ST18: variants seen among roughly 807,000 people sequenced by gnomAD.
ST18 encodes the protein ST18 C2H2C-type zinc finger transcription factor, also known as suppression of tumorigenicity 18 protein.
In ST18, 50 loss-of-function variants were observed where a neutral mutation model predicts 110.0. That is an observed-to-expected ratio of 0.45 (90% CI 0.36 to 0.58). ST18 has a LOEUF of 0.58. Among genes scored for constraint, ST18 ranks in the 20% least tolerant of loss-of-function variants. The pLI, the probability that ST18 is intolerant of heterozygous loss-of-function variation, is 0.00. For missense variants in ST18, 1,306 were observed against 1,280.1 expected, an observed-to-expected ratio of 1.02 and a Z score of -0.31; for synonymous variants, 461 against 452.4, an observed-to-expected ratio of 1.02 and a Z score of -0.24.
intron 2 of ST18, among the ~76,000 whole-genome samples, chr8:52,326,071 G>A (rs1448824418): frequency 1.3e-5 from 2 of 152,212 alleles, no homozygotes; most frequent in Non-Finnish European, 2.9e-5. Flanking sequence ...CAAGTTATAG[G>A]TAGAAAAATA....
At chr8:52,196,854 G>A (rs1309776064) in intron 8 of ST18, among the ~76,000 whole-genome samples, 3 of 152,110 alleles carry the variant, frequency 2.0e-5, no homozygotes, top group African/African-American at 7.2e-5. Context: ...AGGGCCTCCT[G>A]GAGGTAAGGG....
At chr8:52,292,386 T>C (rs62499816) in intron 2 of ST18, among the ~76,000 whole-genome samples, 25,676 of 152,066 alleles carry the variant, frequency 0.17, 2,300 homozygotes, top group Middle Eastern at 0.29. Flanking sequence ...CATGTATGTG[T>C]GTGTGTGTGT....
chr8:52,233,682 T>C (rs572431508), intron 2 of ST18, among the ~76,000 whole-genome samples: 28 of 152,308 alleles, frequency 1.8e-4, no homozygotes, highest in African/African-American at 6.7e-4. Flanking sequence ...TTTCGTCCAA[T>C]GCTTATCCAA....
chr8:52,330,774 G>A (rs1185645750), intron 2 of ST18, among the ~76,000 whole-genome samples: 1 of 152,222 alleles, frequency 6.6e-6, no homozygotes, highest in Non-Finnish European at 1.5e-5. Context: ...TCTGGGCAAT[G>A]GGCTAAGAAC....
chr8:52,113,177 T>A lies in ST18; in HGVS notation c.*21A>T. On this transcript the variant is annotated 3_prime_UTR_variant, in exon 26 of 26. Coordinates refer to ENST00000689386, the MANE Select transcript of ST18 (RefSeq NM_001352837.2). ...AGTTTACTGCTGTTGGTAACTTCTGTTGCCCGGCAGCGCTGTGATCCTACA... is the reference window on the plus strand; with the variant it reads ...AGTTTACTGCTGTTGGTAACTTCTGATGCCCGGCAGCGCTGTGATCCTACA... The A allele has an allele frequency of 1.2e-6, 2 of 1,612,882 alleles. No individual in the cohort carries two copies. The highest frequency in any genetic ancestry group is 1.7e-6 in the Non-Finnish European group (2 of 1,179,512).
chr8:52,170,188 A>C (rs1306705477), intron 10 of ST18, among the ~76,000 whole-genome samples: 2 of 152,192 alleles, frequency 1.3e-5, no homozygotes, highest in African/African-American at 4.8e-5. Flanking sequence ...AGAGATGATA[A>C]AATGGAAAAA....
chr8:52,115,762 T>C (rs1337230382), intron 25 of ST18, among the ~76,000 whole-genome samples: 2 of 152,228 alleles, frequency 1.3e-5, no homozygotes, highest in Non-Finnish European at 2.9e-5. Flanking sequence ...CATGCTTAGA[T>C]TTTGAAAATG....
chr8:52,125,380 C>T (rs1361696739), intron 23 of ST18, among the ~76,000 whole-genome samples: 4 of 140,584 alleles, frequency 2.8e-5, no homozygotes, highest in African/African-American at 9.4e-5. Flanking sequence ...ACCAGAAAAA[C>T]GCGCACGTAC....
At chr8:52,235,847 T>G (rs2092571979) in intron 2 of ST18, among the ~76,000 whole-genome samples, 1 of 152,160 alleles carries the variant, frequency 6.6e-6, no homozygotes, top group South Asian at 2.1e-4. Flanking sequence ...GAGGGGATAT[T>G]AACATTGAAG....
chr8:52,159,841 G>T (rs1433992217), intron 14 of ST18, among the ~76,000 whole-genome samples: 3 of 152,130 alleles, frequency 2.0e-5, no homozygotes, highest in East Asian at 1.9e-4. Context: ...ATTACTGAGA[G>T]ATAGAATTAA....
chr8:52,132,044 T>A lies in ST18; in HGVS notation c.2580A>T (p.Lys860Asn). 3.7e-6 allele frequency: 6 copies of A among 1,614,228 alleles called. No homozygotes were observed. Among genetic ancestry groups the A allele is most frequent in the Non-Finnish European group, 5.1e-6 (6 of 1,180,034 alleles). The change falls in exon 22 of 26, where the codon AAA (lysine) becomes AAT (asparagine). Residue 860 changes from lysine to asparagine, a missense_variant. Transcript: ENST00000689386. The part of the protein sequence containing the change: ...NPLNGASLSW[K>N]LNKQELPHCP... Reference sequence around the variant, plus strand: ...AATGTGGTAGCTCTTGTTTGTTCAGTTTCCAGGAGAGGGAGGCTCCATTGA... The same window carrying A: ...AATGTGGTAGCTCTTGTTTGTTCAGATTCCAGGAGAGGGAGGCTCCATTGA...
At chr8:52,281,740 G>A (rs576462724) in intron 2 of ST18, among the ~76,000 whole-genome samples, 15 of 152,282 alleles carry the variant, frequency 9.9e-5, no homozygotes, top group Admixed American at 5.9e-4. Context: ...AATGGCATTC[G>A]CAGGAATCTG....
At chr8:52,401,261 G>A (rs913425043) in intron 2 of ST18, among the ~76,000 whole-genome samples, 3 of 151,974 alleles carry the variant, frequency 2.0e-5, no homozygotes, top group Admixed American at 6.5e-5. Context: ...TTCTCTCTGT[G>A]TCTTTGATTT....
At chr8:52,317,482 T>C (rs2096052874) in intron 2 of ST18, among the ~76,000 whole-genome samples, 1 of 152,226 alleles carries the variant, frequency 6.6e-6, no homozygotes. Flanking sequence ...ATTTCTAGTC[T>C]CCAGAACTGT....
rs938521792 is a variant in ST18 at position 52,165,339 on chromosome 8, T to C, written c.1205-114A>G. The C allele has an allele frequency of 1.2e-5, 12 of 960,778 alleles. No homozygotes were observed. The African/African-American group carries it at 1.6e-4, about 13-fold the overall frequency. 59.5% of individuals were successfully genotyped at this position (960,778 alleles called of 1,614,324 possible). On this transcript the variant is annotated intron_variant, in intron 11 of 25. Coordinates refer to ENST00000689386, the MANE Select transcript of ST18 (RefSeq NM_001352837.2). ...ATGACTTCAGTTCCATCATCCACCA[T>C]GCTCTCTCTCTCTATTCAGACACAA... is the stretch of plus-strand genomic sequence containing the variant.
chr8:52,393,221 C>T (rs559542604), intron 2 of ST18, among the ~76,000 whole-genome samples: 1 of 152,278 alleles, frequency 6.6e-6, no homozygotes, highest in Admixed American at 6.5e-5. Context: ...TTAATTTAAT[C>T]AACTCAAAAT....
At chr8:52,135,852 G>A (rs566467682) in intron 19 of ST18, among the ~76,000 whole-genome samples, 22 of 152,056 alleles carry the variant, frequency 1.4e-4, no homozygotes, top group African/African-American at 4.3e-4. Flanking sequence ...TGCTGTCTAC[G>A]CATATTGTTT....
intron 2 of ST18, among the ~76,000 whole-genome samples, chr8:52,361,737 A>G (rs1406606378): frequency 6.6e-6 from 1 of 152,226 alleles, no homozygotes; most frequent in Admixed American, 6.5e-5. Flanking sequence ...AAGAGTTAAC[A>G]TCTCTAAGAA....
intron 2 of ST18, among the ~76,000 whole-genome samples, chr8:52,235,557 T>C (rs1274162753): frequency 6.6e-6 from 1 of 152,186 alleles, no homozygotes; most frequent in Non-Finnish European, 1.5e-5. Context: ...AGGAGAACAA[T>C]GGACCAAATA....
Sources: gnomAD v4.1 joint callset for allele counts (sites outside exome capture counted in the v4.1 genomes callset) on GRCh38, gnomAD v4.1.1 for gene constraint, MANE v1.5 for transcripts, NCBI Gene and HGNC (gene_info 2026-07-23, HGNC 2026-07-21) for gene names.